LRRTM4: variants seen among roughly 807,000 people sequenced by gnomAD.
The protein encoded by LRRTM4 is leucine rich repeat transmembrane neuronal 4, also known as leucine-rich repeat transmembrane neuronal protein 4.
Under a neutral mutation model 47.6 loss-of-function variants are expected in LRRTM4, and 25 were observed. The ratio of observed to expected loss-of-function variants is 0.53; its 90% confidence interval spans 0.38 to 0.73. The LOEUF is 0.73. Among genes scored for constraint, LRRTM4 ranks in the 30% least tolerant of loss-of-function variants. The probability of loss-of-function intolerance (pLI) is 0.00; values close to 1 mark genes in which losing one functional copy is unlikely to be tolerated. For missense variants in LRRTM4, 638 were observed against 713.4 expected (o/e 0.89, Z 1.20); for synonymous variants, 311 against 269.5 (o/e 1.15, Z -1.51).
intron 3 of LRRTM4, among the ~76,000 whole-genome samples, chr2:76,814,245 TAAAG>T (rs1023953512): frequency 1.9e-4 from 29 of 152,266 alleles, no homozygotes; most frequent in African/African-American, 5.8e-4. Flanking sequence ...TAATAAGATA[TAAAG>T]AAAGAATAAC....
chr2:77,463,297 C>G (rs1242092202), intron 3 of LRRTM4, among the ~76,000 whole-genome samples: 1 of 151,968 alleles, frequency 6.6e-6, no homozygotes, highest in Non-Finnish European at 1.5e-5. Flanking sequence ...ATATGTGGAC[C>G]ATCATTGATG....
intron 3 of LRRTM4, among the ~76,000 whole-genome samples, chr2:77,365,244 C>A (rs1194782089): frequency 2.9e-4 from 44 of 152,010 alleles, no homozygotes; most frequent in Admixed American, 2.9e-3. Flanking sequence ...AGAAATGCTG[C>A]AGTCAATGAA....
intron 3 of LRRTM4, among the ~76,000 whole-genome samples, chr2:77,148,133 T>C (rs1034906078): frequency 2.6e-5 from 4 of 152,184 alleles, no homozygotes; most frequent in Admixed American, 6.5e-5. Context: ...CCTCCTCTCT[T>C]GGCCTGCAGC....
intron 3 of LRRTM4, among the ~76,000 whole-genome samples, chr2:76,788,599 A>C (rs907432667): frequency 4.6e-5 from 7 of 152,250 alleles, no homozygotes; most frequent in Non-Finnish European, 8.8e-5. Context: ...GGAAGTTTAT[A>C]ATGCAAGTTT....
intron 3 of LRRTM4, among the ~76,000 whole-genome samples, chr2:77,271,084 C>T (rs1676179326): frequency 1.3e-5 from 2 of 152,144 alleles, no homozygotes; most frequent in African/African-American, 2.4e-5. Context: ...CCTTGTCATA[C>T]CCTCTGCAGG....
intron 3 of LRRTM4, among the ~76,000 whole-genome samples, chr2:76,952,196 G>C (rs957302542): frequency 1.3e-5 from 2 of 151,964 alleles, no homozygotes; most frequent in Admixed American, 6.6e-5. Flanking sequence ...ACAGGGAAGA[G>C]ATAGTTTGAC....
At chr2:76,961,696 C>T (rs935524034) in intron 3 of LRRTM4, among the ~76,000 whole-genome samples, 3 of 151,170 alleles carry the variant, frequency 2.0e-5, no homozygotes, top group African/African-American at 7.3e-5. Context: ...GATTCCTGAT[C>T]GTCAGCTTTT....
intron 3 of LRRTM4, among the ~76,000 whole-genome samples, chr2:77,024,930 A>G (rs1037049835): frequency 6.6e-6 from 1 of 152,186 alleles, no homozygotes; most frequent in Non-Finnish European, 1.5e-5. Context: ...AATATTTCCA[A>G]TAGTCAACAA....
In LRRTM4 at chr2:77,303,186, C is replaced by T. The variant is rs188256700; in HGVS notation, c.1551+215132G>A. On this transcript the variant is annotated intron_variant, in intron 3 of 3. Transcript: ENST00000409884. Reference sequence around the variant, plus strand: ...GTCATCTGCTTAAAACCCGGTGTCTCGGAGGCGGAGGTTGCAGTGAGCCAA... The same window carrying T: ...GTCATCTGCTTAAAACCCGGTGTCTTGGAGGCGGAGGTTGCAGTGAGCCAA... Among the ~76,000 whole-genome samples, 8 of 151,928 alleles carry T rather than the reference C, an allele frequency of 5.3e-5. No individual in the cohort carries two copies. In the East Asian group the frequency reaches 7.8e-4, roughly 15 times the overall value.
intron 3 of LRRTM4, among the ~76,000 whole-genome samples, chr2:77,184,804 T>C (rs1673453643): frequency 6.6e-6 from 1 of 152,208 alleles, no homozygotes; most frequent in East Asian, 1.9e-4. Context: ...GGTCCTATGC[T>C]ATTAAAACTA....
intron 3 of LRRTM4, among the ~76,000 whole-genome samples, chr2:77,309,939 T>G (rs1000497520): frequency 6.6e-6 from 1 of 152,168 alleles, no homozygotes; most frequent in Admixed American, 6.5e-5. Context: ...CCATTTTTTT[T>G]AACTATTGTC....
chr2:76,805,817 CAAA>C (rs1675936340), intron 3 of LRRTM4, among the ~76,000 whole-genome samples: 1 of 142,656 alleles, frequency 7.0e-6, no homozygotes, highest in East Asian at 2.3e-4. Flanking sequence ...ATAAAACAAA[CAAA>C]CAAACAAACA....
chr2:77,403,899 A>G (rs1368798912), intron 3 of LRRTM4, among the ~76,000 whole-genome samples: 3 of 146,040 alleles, frequency 2.1e-5, no homozygotes, highest in African/African-American at 8.3e-5. Context: ...AGGAAAGGCG[A>G]TTTCATTGAG....
At chr2:77,308,638 T>C (rs1156262004) in intron 3 of LRRTM4, among the ~76,000 whole-genome samples, 1 of 152,144 alleles carries the variant, frequency 6.6e-6, no homozygotes, top group Non-Finnish European at 1.5e-5. Flanking sequence ...AATACCATTT[T>C]ATCTCCCCAT....
chr2:77,307,254 ATAAAT>A (rs1677307165), intron 3 of LRRTM4, among the ~76,000 whole-genome samples: 1 of 151,912 alleles, frequency 6.6e-6, no homozygotes, highest in African/African-American at 2.4e-5. Context: ...TAAAATATAA[ATAAAT>A]TAAAGACCAA....
At chr2:76,966,375 G>A (rs1049997123) in intron 3 of LRRTM4, among the ~76,000 whole-genome samples, 1 of 151,268 alleles carries the variant, frequency 6.6e-6, no homozygotes, top group African/African-American at 2.4e-5. Context: ...GGGGTTAGGA[G>A]TAATTACATG....
chr2:77,517,955 T>C (rs1679280001), intron 3 of LRRTM4: 4 of 1,013,726 alleles, frequency 3.9e-6, no homozygotes, highest in African/African-American at 1.7e-5. Context: ...CTTTACTCCA[T>C]TACAACAGTC....
intron 3 of LRRTM4, among the ~76,000 whole-genome samples, chr2:77,242,938 A>T (rs1227802707): frequency 6.6e-6 from 1 of 152,216 alleles, no homozygotes; most frequent in Non-Finnish European, 1.5e-5. Flanking sequence ...TCATAGCAGC[A>T]TTATTCAGAA....
intron 3 of LRRTM4, among the ~76,000 whole-genome samples, chr2:77,425,842 G>A (rs1187083898): frequency 2.6e-5 from 4 of 151,982 alleles, no homozygotes; most frequent in Admixed American, 6.6e-5. Flanking sequence ...CTGGCCAGGC[G>A]TGGGAGCTCA....
Sources: gnomAD v4.1 joint callset for allele counts (sites outside exome capture counted in the v4.1 genomes callset) on GRCh38, gnomAD v4.1.1 for gene constraint, MANE v1.5 for transcripts, NCBI Gene and HGNC (gene_info 2026-07-23, HGNC 2026-07-21) for gene names.